Variants in STON2 observed in about 807,000 individuals in gnomAD.
STON2 encodes the protein stonin-2.
In STON2, 29 loss-of-function variants were observed where a neutral mutation model predicts 65.7. That is an observed-to-expected ratio of 0.44 (90% CI 0.33 to 0.60). The LOEUF is 0.60. STON2 is among the 20% of genes least tolerant of loss of function. The pLI is 0.03. For missense variants in STON2, 1,054 were observed against 1,118.1 expected, an observed-to-expected ratio of 0.94 and a Z score of 0.82; for synonymous variants, 404 against 414.2, an observed-to-expected ratio of 0.98 and a Z score of 0.30.
chr14:81,426,538 C>T (rs941543846), intron 2 of STON2, among the ~76,000 whole-genome samples: 3 of 152,152 alleles, frequency 2.0e-5, no homozygotes, highest in Non-Finnish European at 4.4e-5. Flanking sequence ...TGAGCATCTT[C>T]ACTTCAACAT....
intron 2 of STON2, among the ~76,000 whole-genome samples, chr14:81,417,836 G>T (rs1901513161): frequency 6.6e-6 from 1 of 152,192 alleles, no homozygotes; most frequent in South Asian, 2.1e-4. Flanking sequence ...GGCTGGGACG[G>T]GGGAAGTTAG....
Position 81,387,116 on chromosome 14 carries a change from T to TTC in STON2, c.373+8777_373+8778insGA, listed in dbSNP as rs1375759080. 2.0e-5 allele frequency among the ~76,000 whole-genome samples: 3 copies of TTC among 152,082 alleles called. No homozygotes were observed. The East Asian group carries it at 5.8e-4, about 29-fold the overall frequency. ...TTAGGTTCATTTTCAAAAAAATTTC[T>TTC]TTAGAGAACTATACAAAATTTCATT... On this transcript the variant is annotated intron_variant, in intron 3 of 7. Coordinates refer to ENST00000614646, the MANE Select transcript of STON2 (RefSeq NM_001394390.1).
chr14:81,420,751 A>C (rs1037959769), intron 2 of STON2, among the ~76,000 whole-genome samples: 1 of 152,240 alleles, frequency 6.6e-6, no homozygotes, highest in Admixed American at 6.5e-5. Flanking sequence ...GATGGTATCT[A>C]TAAGAACAAA....
At chr14:81,342,331 C>T (rs1410509218) in intron 4 of STON2, among the ~76,000 whole-genome samples, 3 of 152,144 alleles carry the variant, frequency 2.0e-5, no homozygotes, top group Admixed American at 1.3e-4. Flanking sequence ...GATGGGGTTT[C>T]GCCACATTGG....
intron 3 of STON2, among the ~76,000 whole-genome samples, chr14:81,382,185 T>C (rs1899554956): frequency 6.6e-6 from 1 of 151,482 alleles, no homozygotes; most frequent in South Asian, 2.1e-4. Context: ...TGCCACTGCA[T>C]TCCAGCCAGG....
At chr14:81,409,142 C>T (rs548353128) in intron 2 of STON2, among the ~76,000 whole-genome samples, 16 of 152,230 alleles carry the variant, frequency 1.1e-4, no homozygotes, top group South Asian at 4.1e-4. Context: ...CAGTGGCTCA[C>T]GCCTGTAATC....
intron 5 of STON2, among the ~76,000 whole-genome samples, chr14:81,288,893 A>G (rs1895445894): frequency 6.6e-6 from 1 of 151,876 alleles, no homozygotes; most frequent in South Asian, 2.1e-4. Context: ...GGAGCCAGAA[A>G]AAGTACTTCC....
intron 5 of STON2, among the ~76,000 whole-genome samples, chr14:81,317,524 T>C (rs778803516): frequency 6.6e-6 from 1 of 152,232 alleles, no homozygotes; most frequent in Non-Finnish European, 1.5e-5. Context: ...AGAATCTCAA[T>C]CATATGTGAC....
At chr14:81,396,972 C>T (rs989564186) in intron 2 of STON2, among the ~76,000 whole-genome samples, 1 of 152,100 alleles carries the variant, frequency 6.6e-6, no homozygotes, top group African/African-American at 2.4e-5. Flanking sequence ...GCAGGAGAAT[C>T]GCTTGAATCC....
intron 4 of STON2, among the ~76,000 whole-genome samples, chr14:81,349,264 G>A (rs1897934535): frequency 6.6e-6 from 1 of 152,014 alleles, no homozygotes; most frequent in Non-Finnish European, 1.5e-5. Context: ...TAAAAAGCTT[G>A]TGCACAGTAA....
rs568576261 is a variant in STON2 at position 81,318,239 on chromosome 14, T to C, written c.742+5778A>G. 2.7e-3 allele frequency among the ~76,000 whole-genome samples: 412 copies of C among 152,196 alleles called. 1 individual carries two copies. The highest frequency in any genetic ancestry group is 9.4e-3 in the African/African-American group (389 of 41,534). On this transcript the variant is annotated intron_variant, in intron 5 of 7. Transcript: ENST00000614646. ...TCGGCCACTCAAAGTGCTGGGATTA[T>C]AGGTGTGAGCCACTGCACAAGGCAG...
At chr14:81,276,076 T>C (rs558958951) in intron 6 of STON2, among the ~76,000 whole-genome samples, 1 of 152,344 alleles carries the variant, frequency 6.6e-6, no homozygotes, top group South Asian at 2.1e-4. Context: ...CTGCCTACCA[T>C]TGGGGTCACC....
chr14:81,344,052 A>G (rs1897719073), intron 4 of STON2, among the ~76,000 whole-genome samples: 1 of 151,946 alleles, frequency 6.6e-6, no homozygotes, highest in African/African-American at 2.4e-5. Flanking sequence ...GCTCTTTCAT[A>G]CGGAAAAGAC....
chr14:81,415,845 G>A (rs774603299), intron 2 of STON2, among the ~76,000 whole-genome samples: 9 of 152,072 alleles, frequency 5.9e-5, no homozygotes, highest in Non-Finnish European at 1.2e-4. Flanking sequence ...ATCCTGTCTT[G>A]GAGCTTCTTC....
rs934963857 is a variant in STON2, at chr14:81,425,550, C to A, written c.-199+1552G>T. On this transcript the variant is annotated intron_variant, in intron 2 of 8. Transcript: ENST00000553821. The stretch of plus-strand genomic sequence containing the variant: ...TCATGCCACTGTACTCCAGCCTGGA[C>A]GACAGAGTGAACTCTGCCATCAAAA... Among the ~76,000 whole-genome samples the A allele has an allele frequency of 9.2e-5, 14 of 151,382 alleles. 1 individual carries two copies. The highest frequency in any genetic ancestry group is 9.2e-4 in the Admixed American group (14 of 15,196).
At chr14:81,271,140 C>T (rs1165489341) in intron 6 of STON2, among the ~76,000 whole-genome samples, 1 of 152,042 alleles carries the variant, frequency 6.6e-6, no homozygotes, top group East Asian at 1.9e-4. Context: ...GGCCATCCTG[C>T]CTGCTCAAGT....
At chr14:81,367,182 CCT>C (rs1491158907) in intron 4 of STON2, among the ~76,000 whole-genome samples, 1 of 151,950 alleles carries the variant, frequency 6.6e-6, no homozygotes, top group Non-Finnish European at 1.5e-5. Context: ...TTTTTTTCTT[CCT>C]TTTTTTTTTT....
At chr14:81,315,074 T>C (rs1896569179) in intron 5 of STON2, among the ~76,000 whole-genome samples, 1 of 152,204 alleles carries the variant, frequency 6.6e-6, no homozygotes, top group Non-Finnish European at 1.5e-5. Context: ...GATACAGAGT[T>C]GGTTAGAAGA....
chr14:81,273,121 A>T (rs1894665513), intron 6 of STON2, among the ~76,000 whole-genome samples: 1 of 152,214 alleles, frequency 6.6e-6, no homozygotes, highest in East Asian at 1.9e-4. Flanking sequence ...AATATGGAGA[A>T]ATCTTTCCTT....
Sources: gnomAD v4.1 joint callset for allele counts (sites outside exome capture counted in the v4.1 genomes callset) on GRCh38, gnomAD v4.1.1 for gene constraint, MANE v1.5 for transcripts, NCBI Gene and HGNC (gene_info 2026-07-23, HGNC 2026-07-21) for gene names.